The following RGS5 variants were observed in gnomAD, a reference collection of about 807,000 sequenced individuals.
RGS5 encodes the protein regulator of G-protein signalling 5.
RGS5 carries 20 observed loss-of-function variants against 18.9 expected under a neutral mutation model. The ratio of observed to expected loss-of-function variants is 1.06; its 90% CI spans 0.74 to 1.54. The LOEUF (loss-of-function observed/expected upper bound fraction) is 1.54. Ranked by LOEUF, RGS5 falls within the 40% of genes most tolerant of loss-of-function variation. The probability of loss-of-function intolerance (pLI) is 0.00; values close to 1 mark genes in which losing one functional copy is unlikely to be tolerated. For synonymous variants in RGS5, 57 were observed against 76.2 expected, an observed-to-expected ratio of 0.75 and a Z score of 1.31; for missense variants, 201 against 211.8, an observed-to-expected ratio of 0.95 and a Z score of 0.32.
In RGS5 at chr1:163,161,831, G is replaced by T; in HGVS notation, c.217+84C>A. ...TTGAAGAAATGTCAACATTGGGGAA[G>T]AAGAACACAGGTAATACAAAGATGT... On this transcript the variant is annotated intron_variant, in intron 3 of 4. Coordinates refer to ENST00000313961, the MANE Select transcript of RGS5 (RefSeq NM_003617.4). 4 of 1,028,720 alleles carry T rather than the reference G, an allele frequency of 3.9e-6. No homozygotes were observed. In the South Asian group the frequency reaches 5.4e-5, roughly 14 times the overall value. 63.7% of individuals were successfully genotyped at this position (1,028,720 alleles called of 1,614,324 possible). A position where few individuals can be genotyped will look rare whatever the true frequency, so the allele number is the denominator to read the frequency against.
intron 2 of RGS5, among the ~76,000 whole-genome samples, chr1:163,259,221 G>C (rs573433514): frequency 1.3e-5 from 2 of 151,606 alleles, no homozygotes; most frequent in African/African-American, 4.8e-5. Flanking sequence ...GCGTGATCTC[G>C]GCTCACTGCA....
In RGS5 at chr1:163,152,799, T is replaced by G. The variant is rs139595240; in HGVS notation, c.218-83A>C. ...TATCCATGAGAGAAAGGGAAAGGGC[T>G]TAGCAATACTCTTCTATGCACAAAG... On this transcript the variant is annotated intron_variant, in intron 3 of 4. Transcript: ENST00000313961. The G allele has an allele frequency of 5.4e-5, 68 of 1,270,476 alleles. No homozygotes were observed. The African/African-American group carries it at 9.5e-4, about 18-fold the overall frequency. 78.7% of individuals were successfully genotyped at this position (1,270,476 alleles called of 1,614,324 possible). A position where few individuals can be genotyped will look rare whatever the true frequency, so the allele number is the denominator to read the frequency against.
chr1:163,288,430 C>A (rs1649199962), intron 2 of RGS5, among the ~76,000 whole-genome samples: 1 of 152,132 alleles, frequency 6.6e-6, no homozygotes, highest in Non-Finnish European at 1.5e-5. Context: ...GCAAGATTAC[C>A]AAACATGCCC....
intron 3 of RGS5, among the ~76,000 whole-genome samples, chr1:163,159,361 T>G (rs1309632859): frequency 6.6e-6 from 1 of 152,200 alleles, no homozygotes; most frequent in Non-Finnish European, 1.5e-5. Context: ...TGTTCAAAGA[T>G]TGCAGTAAAG....
chr1:163,293,084 C>A (rs182772794), intron 2 of RGS5, among the ~76,000 whole-genome samples: 1 of 152,262 alleles, frequency 6.6e-6, no homozygotes, highest in Non-Finnish European at 1.5e-5. Flanking sequence ...ATCAAGAAAT[C>A]TTTGCCACTG....
intron 2 of RGS5, among the ~76,000 whole-genome samples, chr1:163,283,676 ACTCTAGAGACT>A (rs1649058253): frequency 6.6e-6 from 1 of 152,056 alleles, no homozygotes; most frequent in African/African-American, 2.4e-5. Context: ...CAGCAGGCTC[ACTCTAGAGACT>A]CTCCTAATTC....
At chr1:163,180,994 C>T (rs191305823) in intron 1 of RGS5, among the ~76,000 whole-genome samples, 1 of 152,090 alleles carries the variant, frequency 6.6e-6, no homozygotes, top group Admixed American at 6.5e-5. Context: ...GCGCCCGCCC[C>T]CCTGTTCTTA....
chr1:163,156,160 C>T (rs1272403959), intron 3 of RGS5, among the ~76,000 whole-genome samples: 1 of 152,172 alleles, frequency 6.6e-6, no homozygotes, highest in Non-Finnish European at 1.5e-5. Flanking sequence ...CCATTTCTAG[C>T]TTATTGGTTA....
chr1:163,190,016 T>G (rs1659274959), intron 1 of RGS5, among the ~76,000 whole-genome samples: 1 of 152,200 alleles, frequency 6.6e-6, no homozygotes, highest in Admixed American at 6.5e-5. Context: ...CTGTGTGAAG[T>G]GGTTATATTA....
chr1:163,320,439 G>A (rs1045253851), intron 1 of RGS5, among the ~76,000 whole-genome samples: 53 of 152,118 alleles, frequency 3.5e-4, no homozygotes, highest in African/African-American at 1.2e-3. Flanking sequence ...TAAATAGCTC[G>A]CCTAAGTCCA....
At chr1:163,154,082 C>G (rs1346638663) in intron 3 of RGS5, among the ~76,000 whole-genome samples, 4 of 152,134 alleles carry the variant, frequency 2.6e-5, no homozygotes, top group African/African-American at 9.7e-5. Flanking sequence ...TTGCCCCCAC[C>G]TGGAAACACT....
rs191353547 is a variant in RGS5 at position 163,291,147 on chromosome 1, G to T, written c.-281+15086C>A. 7.5e-3 allele frequency among the ~76,000 whole-genome samples: 1,127 copies of T among 149,896 alleles called. 17 individuals are homozygous for T. Among genetic ancestry groups the T allele is most frequent in the African/African-American group, 0.026 (1,061 of 40,892 alleles). On this transcript the variant is annotated intron_variant, in intron 2 of 5. Transcript: ENST00000618415. ...CCCACTTATTAAAAAAAAAAAAAAG[G>T]TTCTCTGTAGAATCATAAAAACTCT...
chr1:163,199,212 G>C (rs931074062), intron 1 of RGS5, among the ~76,000 whole-genome samples: 1 of 152,120 alleles, frequency 6.6e-6, no homozygotes, highest in Non-Finnish European at 1.5e-5. Flanking sequence ...CAATATGCCA[G>C]AGGGTAGAAA....
chr1:163,173,648 C>T (rs1658408215), intron 1 of RGS5, among the ~76,000 whole-genome samples: 1 of 152,188 alleles, frequency 6.6e-6, no homozygotes, highest in Admixed American at 6.5e-5. Context: ...AAATCTTATA[C>T]TAGGTGTTTC....
At chr1:163,213,113 A>G (rs1660141884) in intron 1 of RGS5, 1 of 152,186 alleles carries the variant, frequency 6.6e-6, no homozygotes, top group South Asian at 2.1e-4. Flanking sequence ...TGCTGTACAT[A>G]GTTATTTTCA....
chr1:163,282,637 G>A (rs1649024524), intron 2 of RGS5, among the ~76,000 whole-genome samples: 1 of 152,094 alleles, frequency 6.6e-6, no homozygotes, highest in South Asian at 2.1e-4. Context: ...TTGAGCCCAG[G>A]AGTTCAAAGC....
At chr1:163,310,604 T>C (rs577904465) in intron 1 of RGS5, among the ~76,000 whole-genome samples, 1 of 149,726 alleles carries the variant, frequency 6.7e-6, no homozygotes, top group East Asian at 2.0e-4. Context: ...AGGCCTTAGA[T>C]GACATCTTCT....
At chr1:163,246,897 T>A (rs1647956651) in intron 2 of RGS5, among the ~76,000 whole-genome samples, 1 of 152,330 alleles carries the variant, frequency 6.6e-6, no homozygotes, top group Non-Finnish European at 1.5e-5. Context: ...GAGTACTATA[T>A]AGCCATAAAA....
intron 2 of RGS5, among the ~76,000 whole-genome samples, chr1:163,286,244 A>G (rs983463210): frequency 3.3e-5 from 5 of 152,208 alleles, no homozygotes; most frequent in African/African-American, 9.6e-5. Context: ...TTTAAAATAT[A>G]TAAGAAGATG....
Sources: allele counts gnomAD v4.1 joint callset (sites outside exome capture counted in the v4.1 genomes callset), GRCh38; gene constraint gnomAD v4.1.1; transcripts MANE v1.5; gene names NCBI Gene and HGNC (gene_info 2026-07-23, HGNC 2026-07-21).